The following KITLG variants were observed in gnomAD, a reference collection of about 807,000 sequenced individuals.
The protein encoded by KITLG is c-Kit ligand.
In KITLG, 13 loss-of-function variants were observed where a neutral mutation model predicts 34.1. The observed-to-expected ratio is 0.38, with a 90% CI of 0.25 to 0.61. KITLG has a LOEUF of 0.61. KITLG is among the 20% of genes least tolerant of loss of function. The pLI, the probability that KITLG is intolerant of heterozygous loss-of-function variation, is 0.60. For missense variants in KITLG, 292 were observed against 318.9 expected, an observed-to-expected ratio of 0.92 and a Z score of 0.64; for synonymous variants, 110 against 104.0, an observed-to-expected ratio of 1.06 and a Z score of -0.35.
Position 88,495,439 on chromosome 12 carries a change from T to C in KITLG, c.*1780A>G, listed in dbSNP as rs537484162. 10 of 152,582 alleles carry C rather than the reference T, an allele frequency of 6.6e-5. No individual in the cohort carries two copies. The highest frequency in any genetic ancestry group is 2.4e-4 in the African/African-American group (10 of 41,570). The allele number at this position is 152,582 out of a possible 1,614,324, so 9.5% of individuals were successfully genotyped here. A position where few individuals can be genotyped will look rare whatever the true frequency, so the allele number is the denominator to read the frequency against. On this transcript the variant is annotated 3_prime_UTR_variant, in exon 10 of 10. Coordinates refer to ENST00000644744, the MANE Select transcript of KITLG (RefSeq NM_000899.5). ...ATTACTAATCAAGTGTACCATGTGA[T>C]ATCTGAGGGCCTGAACACCTTAATG... is the stretch of plus-strand genomic sequence containing the variant.
intron 3 of KITLG, among the ~76,000 whole-genome samples, chr12:88,528,049 T>C (rs1869944290): frequency 6.6e-6 from 1 of 152,172 alleles, no homozygotes; most frequent in South Asian, 2.1e-4. Context: ...ATTTTACAGT[T>C]CTGGAGGTCA....
intron 6 of KITLG, among the ~76,000 whole-genome samples, chr12:88,508,102 G>C (rs1448154342): frequency 6.6e-6 from 1 of 151,746 alleles, no homozygotes; most frequent in Non-Finnish European, 1.5e-5. Flanking sequence ...CAGGAGAATC[G>C]CATGAACCCG....
At chr12:88,499,225 T>C (rs2120781903) in intron 9 of KITLG, among the ~76,000 whole-genome samples, 1 of 152,296 alleles carries the variant, frequency 6.6e-6, no homozygotes, top group East Asian at 1.9e-4. Context: ...CTTTACAATG[T>C]ATCTACAGAA....
intron 1 of KITLG, among the ~76,000 whole-genome samples, chr12:88,549,464 ATCT>A (rs944995023): frequency 6.6e-6 from 1 of 152,164 alleles, no homozygotes; most frequent in African/African-American, 2.4e-5. Context: ...GATTCTGGAC[ATCT>A]TCTGAAGGCT....
chr12:88,514,531 C>T (rs1369964641), intron 6 of KITLG, among the ~76,000 whole-genome samples: 1 of 151,618 alleles, frequency 6.6e-6, no homozygotes, highest in Non-Finnish European at 1.5e-5. Flanking sequence ...TAATGTATAA[C>T]ATATACTATC....
intron 1 of KITLG, among the ~76,000 whole-genome samples, chr12:88,547,262 A>G (rs1321050673): frequency 6.6e-6 from 1 of 152,274 alleles, no homozygotes; most frequent in Non-Finnish European, 1.5e-5. Flanking sequence ...ATATTATACT[A>G]GAACAAATAA....
intron 1 of KITLG, among the ~76,000 whole-genome samples, chr12:88,554,613 G>C (rs896223430): frequency 1.2e-4 from 18 of 152,284 alleles, no homozygotes; most frequent in Non-Finnish European, 2.4e-4. Context: ...TATGGTAATT[G>C]GTCCTGAGTT....
chr12:88,556,656 G>A (rs1238643585), intron 1 of KITLG, among the ~76,000 whole-genome samples: 2 of 152,188 alleles, frequency 1.3e-5, no homozygotes, highest in African/African-American at 4.8e-5. Context: ...TGCTGATCCA[G>A]ATATGTAGGA....
At chr12:88,551,560 T>C (rs1198950927) in intron 1 of KITLG, among the ~76,000 whole-genome samples, 1 of 152,224 alleles carries the variant, frequency 6.6e-6, no homozygotes, top group Non-Finnish European at 1.5e-5. Context: ...CTGTACTTGT[T>C]TGTATAACTT....
chr12:88,506,761 T>G (rs1254243330), intron 7 of KITLG, among the ~76,000 whole-genome samples: 1 of 152,204 alleles, frequency 6.6e-6, no homozygotes, highest in East Asian at 1.9e-4. Flanking sequence ...CTTTTAAGTA[T>G]ATCATATGAT....
At chr12:88,533,471 T>G (rs571736538) in intron 2 of KITLG, among the ~76,000 whole-genome samples, 2 of 152,316 alleles carry the variant, frequency 1.3e-5, no homozygotes, top group African/African-American at 4.8e-5. Flanking sequence ...CCTAGTAAGT[T>G]ACAGAGTTCT....
At chr12:88,501,395 AT>A (rs1868849742) in intron 9 of KITLG, among the ~76,000 whole-genome samples, 1 of 152,278 alleles carries the variant, frequency 6.6e-6, no homozygotes, top group South Asian at 2.1e-4. Flanking sequence ...TATTTTTTAA[AT>A]GTATAATTGC....
At chr12:88,546,899 A>C (rs1402243401) in intron 1 of KITLG, among the ~76,000 whole-genome samples, 1 of 152,202 alleles carries the variant, frequency 6.6e-6, no homozygotes, top group Non-Finnish European at 1.5e-5. Flanking sequence ...AAGAGGAAGC[A>C]ATTAATCAAT....
chr12:88,543,914 C>T (rs1478524712), intron 2 of KITLG, among the ~76,000 whole-genome samples: 3 of 152,154 alleles, frequency 2.0e-5, no homozygotes, highest in Non-Finnish European at 2.9e-5. Context: ...TAGGTCATCT[C>T]GCACAAGTTT....
At chr12:88,519,197 T>C (rs558538985) in intron 3 of KITLG, among the ~76,000 whole-genome samples, 1 of 152,052 alleles carries the variant, frequency 6.6e-6, no homozygotes, top group Non-Finnish European at 1.5e-5. Context: ...ACTTAAAATG[T>C]TGTAATAGGA....
chr12:88,568,325 T>A (rs866073227), intron 1 of KITLG, among the ~76,000 whole-genome samples: 4 of 139,700 alleles, frequency 2.9e-5, no homozygotes, highest in African/African-American at 1.1e-4. Context: ...TTATTTATTT[T>A]ATTTATAATA....
intron 9 of KITLG, among the ~76,000 whole-genome samples, chr12:88,497,977 G>A (rs190016487): frequency 2.0e-5 from 3 of 152,226 alleles, no homozygotes; most frequent in Non-Finnish European, 2.9e-5. Context: ...CCTCAGCATA[G>A]CTTATTGTAC....
chr12:88,518,767 T>A lies in KITLG; in HGVS notation c.293A>T (p.Tyr98Phe). 1 of 1,613,470 alleles carries A rather than the reference T, an allele frequency of 6.2e-7. No homozygotes were observed. Among genetic ancestry groups the A allele is most frequent in the East Asian group, 2.2e-5 (1 of 44,838 alleles). ...ATTCACAAGTTTGTCTATGATGGAA[T>A]AATTACTCAAGCCTTCAGAAATATT... ...FSNISEGLSNYSIIDKLVNIV... is the reference protein window; with the variant it reads ...FSNISEGLSNFSIIDKLVNIV... Residue 98 changes from tyrosine (Y) to phenylalanine (F), a missense_variant, in exon 4 of 10, where the codon TAT (tyrosine) becomes TTT (phenylalanine). Around this residue, in one of 2 missense-constraint regions of KITLG, gnomAD observed 152 missense variants for 207.9 expected, o/e 0.73. Transcript: ENST00000644744.
chr12:88,561,577 A>G (rs1233565822), intron 1 of KITLG, among the ~76,000 whole-genome samples: 3 of 152,216 alleles, frequency 2.0e-5, no homozygotes, highest in Non-Finnish European at 2.9e-5. Context: ...TCACAATAGT[A>G]TCTTCTTCTG....
Sources: allele counts gnomAD v4.1 joint callset (sites outside exome capture counted in the v4.1 genomes callset), GRCh38; gene constraint gnomAD v4.1.1; regional missense constraint gnomAD v4.1.1; transcripts MANE v1.5; gene names NCBI Gene and HGNC (gene_info 2026-07-23, HGNC 2026-07-21).